The following NREP variants were observed in gnomAD, a reference collection of about 807,000 sequenced individuals.
NREP encodes the protein neuronal regeneration-related protein.
Under a neutral mutation model 8.6 loss-of-function variants are expected in NREP, and 5 were observed. That is an observed-to-expected ratio of 0.58 (90% CI 0.30 to 1.22). The LOEUF is 1.22. Ranked by LOEUF, NREP falls within the 50% of genes most tolerant of loss-of-function variation. NREP has a pLI of 0.07. For synonymous variants in NREP, 27 were observed against 28.0 expected (o/e 0.96, Z 0.11); for missense variants, 86 against 82.5 (o/e 1.04, Z -0.17).
chr5:111,930,774 G>A (rs1755515304), intron 2 of NREP, among the ~76,000 whole-genome samples: 2 of 152,170 alleles, frequency 1.3e-5, no homozygotes, highest in South Asian at 4.1e-4. Context: ...ACTCACAGCA[G>A]TCTCTCTCCT....
intron 3 of NREP, chr5:111,735,027 C>T (rs1748974950): frequency 5.7e-6 from 2 of 350,244 alleles, no homozygotes; most frequent in Non-Finnish European, 1.0e-5. Context: ...TTTTTTGTTC[C>T]TCCCTTTTGC....
intron 2 of NREP, among the ~76,000 whole-genome samples, chr5:111,796,317 A>T (rs1002345437): frequency 2.6e-5 from 4 of 152,080 alleles, no homozygotes; most frequent in African/African-American, 9.7e-5. Context: ...TCGTGATCAT[A>T]TTGGGCCCAG....
intron 2 of NREP, among the ~76,000 whole-genome samples, chr5:111,942,013 A>C (rs912088481): frequency 9.9e-5 from 15 of 152,044 alleles, no homozygotes; most frequent in Non-Finnish European, 1.6e-4. Flanking sequence ...GTAGGATAGC[A>C]GAACTAATTT....
At chr5:111,757,840 G>A (rs1750833332), upstream of NREP, 14 of 969,274 alleles carry the variant, frequency 1.4e-5, no homozygotes, top group Non-Finnish European at 1.7e-5. Flanking sequence ...TGGAGGAGGC[G>A]GTTTGGGGGC....
At chr5:111,963,681 GGAA>G (rs1362340257) in intron 2 of NREP, among the ~76,000 whole-genome samples, 1 of 152,078 alleles carries the variant, frequency 6.6e-6, no homozygotes, top group Non-Finnish European at 1.5e-5. Context: ...GCTTGAAAAA[GGAA>G]GAAAAGACAG....
chr5:111,755,990 C>A (rs1750679619), intron 1 of NREP, 160 bp from the exon 2 acceptor site: 5 of 1,423,676 alleles, frequency 3.5e-6, no homozygotes, highest in Non-Finnish European at 2.8e-6. Context: ...AAGAGCTTTC[C>A]AAGTGGCCTA....
At chr5:111,852,433 G>A (rs1394222857) in intron 2 of NREP, among the ~76,000 whole-genome samples, 1 of 152,108 alleles carries the variant, frequency 6.6e-6, no homozygotes, top group Non-Finnish European at 1.5e-5. Context: ...CAGCCTCAAA[G>A]CTGAACATTT....
intron 2 of NREP, among the ~76,000 whole-genome samples, chr5:111,803,979 C>T (rs780198976): frequency 2.0e-5 from 3 of 152,120 alleles, no homozygotes; most frequent in Non-Finnish European, 2.9e-5. Context: ...TATAATGCAA[C>T]CCCAATACAA....
Position 111,959,879 on chromosome 5 carries a change from G to GTATTATATGTATTATACATT in NREP, c.135+15375_135+15394dup, listed in dbSNP as rs572758774. ...GAAGAAGTTCATAAATCAACTTCAT[G>GTATTATATGTATTATACATT]TATTATATGTATTATACATTTATTA... On this transcript the variant is annotated intron_variant, in intron 2 of 3. Coordinates refer to the NREP transcript ENST00000395634. Among the ~76,000 whole-genome samples the GTATTATATGTATTATACATT allele has an allele frequency of 6.7e-3, 1,010 of 151,842 alleles. 3 individuals carry two copies. Among genetic ancestry groups the GTATTATATGTATTATACATT allele is most frequent in the Non-Finnish European group, 0.012 (804 of 67,804 alleles).
chr5:111,904,160 T>C (rs1581205843), intron 2 of NREP, among the ~76,000 whole-genome samples: 1 of 152,230 alleles, frequency 6.6e-6, no homozygotes, highest in East Asian at 1.9e-4. Context: ...ATTATTAATA[T>C]CTTGCATTCA....
chr5:111,882,155 G>A (rs938116956), intron 2 of NREP, among the ~76,000 whole-genome samples: 1 of 152,236 alleles, frequency 6.6e-6, no homozygotes, highest in African/African-American at 2.4e-5. Context: ...GGAGCTGAAA[G>A]CCAAGGCTGG....
intron 2 of NREP, among the ~76,000 whole-genome samples, chr5:111,809,600 C>A (rs577994677): frequency 6.6e-6 from 1 of 152,064 alleles, no homozygotes; most frequent in Admixed American, 6.6e-5. Flanking sequence ...GGATATTCCT[C>A]GGGTTTTGCC....
chr5:111,951,064 A>C (rs927154490), intron 2 of NREP, among the ~76,000 whole-genome samples: 12 of 152,110 alleles, frequency 7.9e-5, no homozygotes, highest in African/African-American at 2.9e-4. Flanking sequence ...TTACATATGA[A>C]TATCTCTGAA....
chr5:111,946,074 TCA>T lies in NREP; in HGVS notation c.135+29198_135+29199del, dbSNP rs72097994. On this transcript the variant is annotated intron_variant, in intron 2 of 3. Coordinates refer to the NREP transcript ENST00000395634. ...AGGAGACTCTCCAAAGAGATTTTGATCACACACACACACACACACACACACAC... is the reference window on the plus strand; with the variant it reads ...AGGAGACTCTCCAAAGAGATTTTGATCACACACACACACACACACACACAC... Among the ~76,000 whole-genome samples the T allele has an allele frequency of 4.6e-3, 579 of 126,922 alleles. 1 individual carries two copies. The highest frequency in any genetic ancestry group is 0.015 in the African/African-American group (529 of 35,394). 83.3% of individuals were successfully genotyped at this position (126,922 alleles called of 152,430 possible).
rs534502498 is a variant in NREP, at chr5:111,884,693, C to A, written c.135+90581G>T. Among the ~76,000 whole-genome samples, 11 of 152,282 alleles carry A rather than the reference C, an allele frequency of 7.2e-5. No homozygotes were observed. The South Asian group carries it at 2.3e-3, about 32-fold the overall frequency. ...ATGTACACAAATCAATAAATGCAGT[C>A]CAGCATATAAACAGAACCAAACACA... is the stretch of plus-strand genomic sequence containing the variant. On this transcript the variant is annotated intron_variant, in intron 2 of 3. Coordinates refer to the NREP transcript ENST00000395634.
intron 2 of NREP, among the ~76,000 whole-genome samples, chr5:111,815,333 G>C (rs1338663394): frequency 2.0e-5 from 3 of 152,110 alleles, no homozygotes; most frequent in Non-Finnish European, 4.4e-5. Context: ...TAACTGATTG[G>C]ATTGAAATGA....
chr5:111,812,025 C>T (rs1014918580), intron 2 of NREP, among the ~76,000 whole-genome samples: 6 of 152,138 alleles, frequency 3.9e-5, no homozygotes, highest in East Asian at 1.9e-4. Context: ...TAGTGGTTCA[C>T]GCCTGTAATC....
At chr5:111,836,667 A>C (rs79374217) in intron 2 of NREP, among the ~76,000 whole-genome samples, 2,953 of 152,110 alleles carry the variant, frequency 0.019, 47 homozygotes, top group Non-Finnish European at 0.027. Flanking sequence ...GAGAGAGAGC[A>C]TTCTAAATTT....
chr5:111,927,410 G>T (rs1755418870), intron 2 of NREP, among the ~76,000 whole-genome samples: 1 of 152,110 alleles, frequency 6.6e-6, no homozygotes, highest in Non-Finnish European at 1.5e-5. Context: ...GTGAAAGGAT[G>T]GGTGGCATGA....
Sources: allele counts gnomAD v4.1 joint callset (sites outside exome capture counted in the v4.1 genomes callset), GRCh38; gene constraint gnomAD v4.1.1; transcripts MANE v1.5; gene names NCBI Gene and HGNC (gene_info 2026-07-23, HGNC 2026-07-21).